RAB38: variants seen among roughly 807,000 people sequenced by gnomAD.
RAB38 encodes ras-related protein Rab-38.
A neutral mutation model predicts 18.4 loss-of-function variants in RAB38; 15 were observed. That is an observed-to-expected ratio of 0.82 (90% CI 0.55 to 1.26). The LOEUF is 1.26. Ranked by LOEUF, RAB38 falls within the 50% of genes most tolerant of loss-of-function variation. The pLI, the probability that RAB38 is intolerant of heterozygous loss-of-function variation, is 0.00. For synonymous variants in RAB38, 101 were observed against 104.4 expected, an observed-to-expected ratio of 0.97 and a Z score of 0.20; for missense variants, 294 against 267.4, an observed-to-expected ratio of 1.10 and a Z score of -0.69.
At chr11:87,912,881 T>C in the RAB38 span, among the ~76,000 whole-genome samples, 2 of 151,508 alleles carry the variant, frequency 1.3e-5, no homozygotes, top group South Asian at 4.2e-4. Context: ...TTATTTTATT[T>C]TATTTTATTT....
the RAB38 span, among the ~76,000 whole-genome samples, chr11:87,847,695 T>A: frequency 1.3e-5 from 2 of 152,070 alleles, no homozygotes; most frequent in Non-Finnish European, 2.9e-5. Context: ...CACAGGATGC[T>A]TTGGTTTCAT....
the RAB38 span, among the ~76,000 whole-genome samples, chr11:87,820,818 G>A: frequency 6.6e-6 from 1 of 152,114 alleles, no homozygotes; most frequent in Non-Finnish European, 1.5e-5. Flanking sequence ...TAGTGAATAA[G>A]GAATAGAATC....
chr11:87,808,027 G>C, the RAB38 span, among the ~76,000 whole-genome samples: 1 of 152,196 alleles, frequency 6.6e-6, no homozygotes, highest in Non-Finnish European at 1.5e-5. Flanking sequence ...CAGCTACAGA[G>C]TGTACATATA....
chr11:87,950,714 C>T, the RAB38 span, among the ~76,000 whole-genome samples: 2 of 152,238 alleles, frequency 1.3e-5, no homozygotes, highest in South Asian at 4.1e-4. Flanking sequence ...AATATTGGCC[C>T]CCACTCTCTT....
chr11:88,049,627 C>T, the RAB38 span, among the ~76,000 whole-genome samples: 1 of 152,182 alleles, frequency 6.6e-6, no homozygotes, highest in Non-Finnish European at 1.5e-5. Context: ...CACATGGACG[C>T]GCGTGAAATT....
chr11:87,826,268 G>T, the RAB38 span, among the ~76,000 whole-genome samples: 21 of 152,158 alleles, frequency 1.4e-4, no homozygotes, highest in African/African-American at 5.1e-4. Context: ...ATTTAATGTG[G>T]ATGGTCAGAA....
At chr11:88,004,317 G>T in the RAB38 span, among the ~76,000 whole-genome samples, 7 of 150,928 alleles carry the variant, frequency 4.6e-5, no homozygotes, top group Non-Finnish European at 1.0e-4. Flanking sequence ...TCCTACGAAT[G>T]CAAGTTTGAT....
At chr11:87,843,718 G>T in the RAB38 span, among the ~76,000 whole-genome samples, 1 of 152,206 alleles carries the variant, frequency 6.6e-6, no homozygotes, top group Non-Finnish European at 1.5e-5. Context: ...CAAGGCTGTT[G>T]TGAGGATTAA....
At chr11:87,969,731 T>C in the RAB38 span, among the ~76,000 whole-genome samples, 1 of 152,158 alleles carries the variant, frequency 6.6e-6, no homozygotes, top group Non-Finnish European at 1.5e-5. Flanking sequence ...TATCTTACTT[T>C]CTGTGTTTGG....
chr11:87,848,024 A>G, the RAB38 span, among the ~76,000 whole-genome samples: 2 of 152,128 alleles, frequency 1.3e-5, no homozygotes, highest in African/African-American at 4.8e-5. Context: ...ATTCTATTAA[A>G]CCATTCCCTA....
At chr11:88,072,785 T>C in the RAB38 span, among the ~76,000 whole-genome samples, 31 of 152,170 alleles carry the variant, frequency 2.0e-4, no homozygotes, top group Non-Finnish European at 3.8e-4. Context: ...CAGTAACGTA[T>C]GCTTCTACTT....
Position 88,175,266 on chromosome 11 carries a change from G to A in RAB38, c.119C>T (p.Ala40Val). The change falls in exon 1 of 3, where the codon GCC becomes GTC. Residue 40 changes from alanine (A) to valine (V), a missense_variant. Physicochemically the swap from Ala to Val is moderately conservative, Grantham distance 64. Coordinates refer to ENST00000243662, the MANE Select transcript of RAB38 (RefSeq NM_022337.3). ...GAGCGCGAAGTCCACGCCGATTGTG[G>A]CCCGGTAGTGCGAAGAGAAGTTCTG... ...VHQNFSSHYR[A>V]TIGVDFALKV... is the part of the protein sequence containing the mutation. 6.2e-7 allele frequency: 1 copy of A among 1,614,172 alleles called. No individual in the cohort carries two copies. Among genetic ancestry groups the A allele is most frequent in the South Asian group, 1.1e-5 (1 of 91,078 alleles).
chr11:88,011,732 C>G, the RAB38 span, among the ~76,000 whole-genome samples: 2 of 152,098 alleles, frequency 1.3e-5, no homozygotes, highest in African/African-American at 4.8e-5. Flanking sequence ...AAGACAACCT[C>G]ATGGTGTAGG....
the RAB38 span, among the ~76,000 whole-genome samples, chr11:88,071,176 G>C: frequency 3.3e-5 from 5 of 151,872 alleles, no homozygotes; most frequent in African/African-American, 9.7e-5. Context: ...GGACGAGCAG[G>C]ATACCTTACC....
the RAB38 span, among the ~76,000 whole-genome samples, chr11:87,906,677 A>G: frequency 2.6e-5 from 4 of 152,130 alleles, no homozygotes; most frequent in East Asian, 3.9e-4. Context: ...CCTCAGAACT[A>G]GAATCTTACT....
At chr11:88,100,463 C>T in the RAB38 span, among the ~76,000 whole-genome samples, 1 of 151,914 alleles carries the variant, frequency 6.6e-6, no homozygotes, top group Non-Finnish European at 1.5e-5. Context: ...TATTATAATT[C>T]ATCGTCCAAT....
chr11:88,056,369 T>C, the RAB38 span, among the ~76,000 whole-genome samples: 3 of 152,324 alleles, frequency 2.0e-5, no homozygotes, highest in South Asian at 2.1e-4. Flanking sequence ...TAGAGTGTTA[T>C]AGAAATCATG....
the RAB38 span, among the ~76,000 whole-genome samples, chr11:87,907,146 T>C: frequency 3.3e-5 from 5 of 151,930 alleles, no homozygotes; most frequent in Non-Finnish European, 7.4e-5. Context: ...CTGCATTTTC[T>C]TCCAAAGAGT....
At chr11:88,006,264 C>T in the RAB38 span, among the ~76,000 whole-genome samples, 2 of 151,192 alleles carry the variant, frequency 1.3e-5, no homozygotes, top group Admixed American at 6.6e-5. Context: ...TTTAAAAAAT[C>T]GAAAGATGAC....
Sources: allele counts gnomAD v4.1 joint callset (sites outside exome capture counted in the v4.1 genomes callset), GRCh38; gene constraint gnomAD v4.1.1; transcripts MANE v1.5; gene names NCBI Gene and HGNC (gene_info 2026-07-23, HGNC 2026-07-21).